Variants in ADGRE2 observed in about 807,000 individuals in gnomAD.
ADGRE2 encodes CD97 antigen.
ADGRE2 carries 83 observed loss-of-function variants against 100.8 expected under a neutral mutation model. That is an observed-to-expected ratio of 0.82 (90% CI 0.69 to 0.99). The LOEUF is 0.99. Among genes scored for constraint, ADGRE2 ranks in the 50% least tolerant of loss-of-function variants. The pLI is 0.00. For synonymous variants in ADGRE2, 355 were observed against 413.0 expected, an observed-to-expected ratio of 0.86 and a Z score of 1.70; for missense variants, 814 against 1,035.7, an observed-to-expected ratio of 0.79 and a Z score of 2.94.
intron 6 of ADGRE2, 134 bp from the exon 7 acceptor site, chr19:14,766,515 C>A (rs1189782152): frequency 2.1e-5 from 23 of 1,089,800 alleles, no homozygotes; most frequent in Non-Finnish European, 2.9e-5. Context: ...CACTTGGTGA[C>A]CTTCAACTTC....
At chr19:14,737,852 C>T (rs927610836) in intron 20 of ADGRE2, among the ~76,000 whole-genome samples, 5 of 151,846 alleles carry the variant, frequency 3.3e-5, no homozygotes, top group African/African-American at 1.2e-4. Context: ...TGGCAGGCGC[C>T]TGTAGTCCCA....
At chr19:14,754,835 C>T (rs568603825) in intron 14 of ADGRE2, 119 bp downstream of exon 14, 4 of 1,137,348 alleles carry the variant, frequency 3.5e-6, no homozygotes, top group East Asian at 5.2e-5. Flanking sequence ...TCTTGCTATG[C>T]CAGCTTGCTG....
At chr19:14,748,608 A>G (rs1027164391) in intron 16 of ADGRE2, among the ~76,000 whole-genome samples, 7 of 152,036 alleles carry the variant, frequency 4.6e-5, no homozygotes, top group Non-Finnish European at 5.9e-5. Flanking sequence ...CACCCGGCCG[A>G]TCTCCTTATT....
chr19:14,774,380 G>A, intron 2 of ADGRE2, 74 bp from the exon 3 acceptor site: 1 of 1,414,270 alleles, frequency 7.1e-7, no homozygotes, highest in East Asian at 2.4e-5. Flanking sequence ...GATGCACTTT[G>A]TGGGAGGAGG....
At chr19:14,736,269 T>G in intron 20 of ADGRE2, 25 bp from the exon 21 acceptor site, 1 of 1,478,726 alleles carries the variant, frequency 6.8e-7, no homozygotes, top group Non-Finnish European at 9.4e-7. Flanking sequence ...TATGTATGTA[T>G]TTTGTTGTTG....
rs373780598 is a variant in ADGRE2 at position 14,750,916 on chromosome 19, C to T, written c.2024+520G>A. 5.9e-5 allele frequency among the ~76,000 whole-genome samples: 9 copies of T among 152,114 alleles called. No homozygotes were observed. In the East Asian group the frequency reaches 1.5e-3, roughly 26 times the overall value. On this transcript the variant is annotated intron_variant, in intron 16 of 20. Transcript: ENST00000315576. ...GCAACTTCGAACTCCTGGGCTCAAG[C>T]GATCCTCCCACCTCAGCCTCCTGAG...
intron 10 of ADGRE2, among the ~76,000 whole-genome samples, chr19:14,765,070 G>A (rs2043903858): frequency 6.6e-6 from 1 of 152,152 alleles, no homozygotes; most frequent in Admixed American, 6.6e-5. Flanking sequence ...TCTGGTTATG[G>A]CCCCTCAGAG....
In ADGRE2 at chr19:14,766,303, C is replaced by G. The variant is rs374363886; in HGVS notation, c.566G>C (p.Cys189Ser). 2.5e-6 allele frequency: 4 copies of G among 1,614,102 alleles called. No individual in the cohort carries two copies. In the South Asian group the frequency reaches 4.4e-5, roughly 18 times the overall value. The change falls in exon 7 of 21, where the codon TGC becomes TCC. Residue 189 changes from cysteine (C) to serine (S), a missense_variant. Around this residue, in one of 5 missense-constraint regions of ADGRE2, gnomAD observed 69 missense variants for 75.3 expected, o/e 0.92. Transcript: ENST00000315576. ...CGGTTGCCAGCCCGGGCGGCAGCGG[C>G]ACTGATAGCTGCCCACGTTGTTGAG... is the stretch of plus-strand genomic sequence containing the variant. ...HCLNNVGSYQ[C>S]RCRPGWQPIP...
intron 5 of ADGRE2, chr19:14,771,796 GCA>G (rs773817044): frequency 6.5e-6 from 1 of 152,834 alleles, no homozygotes; most frequent in South Asian, 2.0e-4. Context: ...ACCCACCACT[GCA>G]CCCGGCTAAT....
intron 18 of ADGRE2, among the ~76,000 whole-genome samples, chr19:14,745,138 C>G (rs1049260740): frequency 2.6e-5 from 4 of 151,750 alleles, no homozygotes; most frequent in Non-Finnish European, 5.9e-5. Flanking sequence ...GAACTCCTGA[C>G]CTTGTGATCT....
At chr19:14,773,099 C>CAAAAAAAAA (rs1231448957) in intron 4 of ADGRE2, among the ~76,000 whole-genome samples, 2 of 72,100 alleles carry the variant, frequency 2.8e-5, no homozygotes, top group South Asian at 8.8e-4. Flanking sequence ...AAAAAAAAAA[C>CAAAAAAAAA]AAAAAAAAAA....
intron 5 of ADGRE2, among the ~76,000 whole-genome samples, chr19:14,770,185 C>T (rs558244619): frequency 4.1e-4 from 63 of 152,244 alleles, no homozygotes; most frequent in African/African-American, 1.3e-3. Context: ...ATGAACATCT[C>T]GGTGCTGTCC....
At position 14,772,517 on chromosome 19, in the gene ADGRE2, G is replaced by T. The variant is rs761243153; in HGVS notation, c.200-20C>A. The T allele has an allele frequency of 6.2e-7, 1 of 1,612,884 alleles. No homozygotes were observed. The highest frequency in any genetic ancestry group is 8.5e-7 in the Non-Finnish European group (1 of 1,179,270). ...TGATGTCTGGAACACAACAGGACAG[G>T]AGGTCATCTCCCAAAGATGTGAGTT... On this transcript the variant is annotated intron_variant, in intron 4 of 20. Coordinates refer to ENST00000315576, the MANE Select transcript of ADGRE2 (RefSeq NM_013447.4).
downstream of ADGRE2, chr19:14,731,041 T>C (rs934210665): frequency 5.5e-6 from 4 of 726,100 alleles, no homozygotes; most frequent in Non-Finnish European, 9.5e-6. Context: ...AGGACATTCA[T>C]AGGCAGTCCC....
At position 14,766,227 on chromosome 19, in the gene ADGRE2, C is replaced by T; in HGVS notation, c.634+8G>A. ...GGTCTCTGGGAACGTGGGATCTGAG[C>T]TCTCGACCTTCACAGACGGTATTGT... On this transcript the variant is annotated splice_region_variant and intron_variant, in intron 7 of 20. Coordinates refer to ENST00000315576, the MANE Select transcript of ADGRE2 (RefSeq NM_013447.4). 1 of 1,614,080 alleles carries T rather than the reference C, an allele frequency of 6.2e-7. No individual in the cohort carries two copies. Among genetic ancestry groups the T allele is most frequent in the Non-Finnish European group, 8.5e-7 (1 of 1,180,006 alleles).
Position 14,746,887 on chromosome 19 carries a change from G to A in ADGRE2, c.2091+9C>T. The A allele has an allele frequency of 6.2e-7, 1 of 1,613,048 alleles. No individual in the cohort carries two copies. The highest frequency in any genetic ancestry group is 8.5e-7 in the Non-Finnish European group (1 of 1,179,364). On this transcript the variant is annotated intron_variant, in intron 17 of 20. Coordinates refer to ENST00000315576, the MANE Select transcript of ADGRE2 (RefSeq NM_013447.4). Reference sequence around the variant, plus strand: ...GGGGCAGCGAGGATGCTCAGATGATGTCACTCACAGAGAAGATGGCGCAGA... The same window carrying A: ...GGGGCAGCGAGGATGCTCAGATGATATCACTCACAGAGAAGATGGCGCAGA...
intron 1 of ADGRE2, 57 bp from the exon 2 acceptor site, chr19:14,776,984 A>ACACT (rs910165968): frequency 8.2e-7 from 1 of 1,215,492 alleles, no homozygotes; most frequent in African/African-American, 1.6e-5. Flanking sequence ...CTGCACACAC[A>ACACT]CACACACACA....
At chr19:14,725,199 C>T in the ADGRE2 span, among the ~76,000 whole-genome samples, 4 of 152,050 alleles carry the variant, frequency 2.6e-5, no homozygotes, top group South Asian at 2.1e-4. Flanking sequence ...AACCAGATCT[C>T]GCATGAACTA....
At chr19:14,724,921 A>G in the ADGRE2 span, among the ~76,000 whole-genome samples, 449 of 152,328 alleles carry the variant, frequency 2.9e-3, 3 homozygotes, top group African/African-American at 0.01. Context: ...GTAGGCAAAT[A>G]CCAAGCACTT....
Sources: allele counts gnomAD v4.1 joint callset (sites outside exome capture counted in the v4.1 genomes callset), GRCh38; gene constraint gnomAD v4.1.1; regional missense constraint gnomAD v4.1.1; transcripts MANE v1.5; gene names NCBI Gene and HGNC (gene_info 2026-07-23, HGNC 2026-07-21).